The following CELSR1 variants were observed in gnomAD, a reference collection of about 807,000 sequenced individuals.
CELSR1 encodes the protein adhesion G protein-coupled receptor C1.
CELSR1 carries 110 observed loss-of-function variants against 249.1 expected under a neutral mutation model. The observed-to-expected ratio is 0.44, with a 90% confidence interval of 0.38 to 0.52. CELSR1 has a LOEUF of 0.52. CELSR1 is among the 20% of genes least tolerant of loss of function. CELSR1 has a pLI of 0.00. For missense variants in CELSR1, 4,109 were observed against 4,296.4 expected (o/e 0.96, Z 1.22); for synonymous variants, 2,113 against 1,900.0 (o/e 1.11, Z -2.92).
chr22:46,524,701 C>T (rs1336373108), intron 1 of CELSR1, among the ~76,000 whole-genome samples: 2 of 152,120 alleles, frequency 1.3e-5, no homozygotes, highest in African/African-American at 4.8e-5. Flanking sequence ...GGAATGTTCA[C>T]GCCCAAAAGG....
chr22:46,503,620 G>A (rs367889976), intron 1 of CELSR1, among the ~76,000 whole-genome samples: 1 of 152,232 alleles, frequency 6.6e-6, no homozygotes, highest in Non-Finnish European at 1.5e-5. Flanking sequence ...GCAACCCTAC[G>A]GGGTCAGTAT....
rs2147142498 is a variant in CELSR1, at chr22:46,361,818, A to T, written c.*1405T>A. On this transcript the variant is annotated 3_prime_UTR_variant, in exon 35 of 35. Transcript: ENST00000674500. ...TGCTGATCACTTATTTGGGCACCTG[A>T]TTTGAAGAACAAAGGAAACGCTAAA... is the stretch of plus-strand genomic sequence containing the variant. The T allele has an allele frequency of 6.6e-6, 1 of 152,360 alleles. No individual in the cohort carries two copies. The highest frequency in any genetic ancestry group is 2.1e-4 in the South Asian group (1 of 4,826). The allele number at this position is 152,360 out of a possible 1,614,324, so 9.4% of individuals were successfully genotyped here.
rs1294028151 is a variant in CELSR1, at chr22:46,456,661, T to TTAA, written c.4183+7045_4183+7046insTTA. Among the ~76,000 whole-genome samples the TTAA allele has an allele frequency of 1.0e-4, 6 of 60,270 alleles. 1 individual carries two copies. The highest frequency in any genetic ancestry group is 2.2e-4 in the Admixed American group (1 of 4,538). 39.5% of individuals were successfully genotyped at this position (60,270 alleles called of 152,430 possible). A position where few individuals can be genotyped will look rare whatever the true frequency, so the allele number is the denominator to read the frequency against. On this transcript the variant is annotated intron_variant, in intron 2 of 34. Coordinates refer to ENST00000674500, the MANE Select transcript of CELSR1 (RefSeq NM_001378328.1). ...CTGGGCGACAGAGCGAGACTCTGTC[T>TTAA]AAAAAAAAAAAAAAAAAAAAAAAAA...
Position 46,436,824 on chromosome 22 carries a change from G to A in CELSR1, c.4407-535C>T, listed in dbSNP as rs2079667755. On this transcript the variant is annotated intron_variant, in intron 3 of 34. Transcript: ENST00000674500. This position sits in a 1 kb window ranked among gnomAD's most constrained non-coding sequence, Gnocchi z 5.9. ...TTTGCACCAGCTGCCCCCTATGCCA[G>A]AAACAATCTTCCCAGGCTTTGCAGA... Among the ~76,000 whole-genome samples, 1 of 152,170 alleles carries A rather than the reference G, an allele frequency of 6.6e-6. No individual in the cohort carries two copies. The highest frequency in any genetic ancestry group is 2.4e-5 in the African/African-American group (1 of 41,440).
chr22:46,366,929 C>T lies in CELSR1; in HGVS notation c.8205+64G>A. The stretch of plus-strand genomic sequence containing the variant: ...CAGGACTGGGGCTGAGGCTCGATCA[C>T]CCTCCCCCGCCCCTCGAGATGCCGC... On this transcript the variant is annotated intron_variant, in intron 29 of 34. Coordinates refer to ENST00000674500, the MANE Select transcript of CELSR1 (RefSeq NM_001378328.1). The T allele has an allele frequency of 4.5e-6, 7 of 1,546,304 alleles. 1 individual carries two copies. In the South Asian group the frequency reaches 8.4e-5, roughly 19 times the overall value.
chr22:46,508,855 T>C (rs2080543362), intron 1 of CELSR1, among the ~76,000 whole-genome samples: 1 of 152,186 alleles, frequency 6.6e-6, no homozygotes, highest in South Asian at 2.1e-4. Flanking sequence ...CCTGGGAAAC[T>C]GGGCCCCGGG....
rs1231866924 is a variant in CELSR1, at chr22:46,406,686, C to G, written c.5226+2310G>C. On this transcript the variant is annotated intron_variant, in intron 9 of 34. Transcript: ENST00000674500. The surrounding 1 kb of genome is among the most constrained non-coding windows in gnomAD (Gnocchi z 5.4). Reference sequence around the variant, plus strand: ...TGTCCTTAGGAGTGACAGAGAAGGGCCTGTGGCTGTCCCAGGAACCTGGGC... The same window carrying G: ...TGTCCTTAGGAGTGACAGAGAAGGGGCTGTGGCTGTCCCAGGAACCTGGGC... Among the ~76,000 whole-genome samples the G allele has an allele frequency of 1.3e-5, 2 of 152,194 alleles. No homozygotes were observed. The highest frequency in any genetic ancestry group is 4.8e-5 in the African/African-American group (2 of 41,458).
In CELSR1 at chr22:46,437,292, A is replaced by G. The variant is rs2079673990; in HGVS notation, c.4407-1003T>C. On this transcript the variant is annotated intron_variant, in intron 3 of 34. Coordinates refer to ENST00000674500, the MANE Select transcript of CELSR1 (RefSeq NM_001378328.1). This position sits in a 1 kb window ranked among gnomAD's most constrained non-coding sequence, Gnocchi z 4.9. ...CTCCCTGGTTTCAGAGAACTTGGCA[A>G]CCTCCTGAGTGAGCTTGGGACTGGC... is the stretch of plus-strand genomic sequence containing the variant. Among the ~76,000 whole-genome samples, 1 of 151,990 alleles carries G rather than the reference A, an allele frequency of 6.6e-6. No homozygotes were observed. Among genetic ancestry groups the G allele is most frequent in the African/African-American group, 2.4e-5 (1 of 41,362 alleles).
chr22:46,427,676 T>C lies in CELSR1; in HGVS notation c.4611+5717A>G, dbSNP rs904277431. ...TTGACGTTCCGCTGTCGGAGGACCTTATATTCTATTAAATACCTTCCAAGT... is the reference window on the plus strand; with the variant it reads ...TTGACGTTCCGCTGTCGGAGGACCTCATATTCTATTAAATACCTTCCAAGT... On this transcript the variant is annotated intron_variant, in intron 5 of 34. Transcript: ENST00000674500. The surrounding 1 kb of genome is among the most constrained non-coding windows in gnomAD (Gnocchi z 4.2). Among the ~76,000 whole-genome samples, 6 of 152,220 alleles carry C rather than the reference T, an allele frequency of 3.9e-5. No individual in the cohort carries two copies. Among genetic ancestry groups the C allele is most frequent in the African/African-American group, 1.2e-4 (5 of 41,466 alleles).
At chr22:46,418,784 G>C (rs2147366301) in intron 5 of CELSR1, among the ~76,000 whole-genome samples, 1 of 152,352 alleles carries the variant, frequency 6.6e-6, no homozygotes, top group South Asian at 2.1e-4. Flanking sequence ...CGGTCACCTA[G>C]AGATTCTTAA....
chr22:46,535,046 G>C lies in CELSR1; in HGVS notation c.2125C>G (p.Leu709Val). 1.2e-6 allele frequency: 2 copies of C among 1,612,522 alleles called. No homozygotes were observed. The highest frequency in any genetic ancestry group is 1.7e-6 in the Non-Finnish European group (2 of 1,179,970). The change falls in exon 1 of 35, where the codon CTG becomes GTG. Residue 709 changes from leucine (L) to valine (V), a missense_variant. This residue lies in a region of CELSR1 where 886 missense variants were observed against 896.5 expected (regional missense o/e 0.99). Transcript: ENST00000674500. ...TTGGCGTCACGGTCGCGGGCCTGCA[G>C]GGTCAGCACGCTGCTCCCCACGGCC... ...DAAVGSSVLTLQARDRDANSV... is the reference protein window; with the variant it reads ...DAAVGSSVLTVQARDRDANSV...
chr22:46,455,633 TCA>T (rs2079939489), intron 2 of CELSR1, among the ~76,000 whole-genome samples: 1 of 152,138 alleles, frequency 6.6e-6, no homozygotes, highest in Admixed American at 6.5e-5. Context: ...CTTCAGCCAC[TCA>T]GTTTGTGCCG....
At chr22:46,485,723 G>A (rs1362812901) in intron 1 of CELSR1, among the ~76,000 whole-genome samples, 1 of 152,104 alleles carries the variant, frequency 6.6e-6, no homozygotes, top group African/African-American at 2.4e-5. Context: ...GACCGTTGAC[G>A]CTCAGGTTCT....
rs912175402 is a variant in CELSR1, at chr22:46,418,149, C to A, written c.4612-6390G>T. Among the ~76,000 whole-genome samples, 5 of 152,218 alleles carry A rather than the reference C, an allele frequency of 3.3e-5. No homozygotes were observed. The East Asian group carries it at 7.7e-4, about 23-fold the overall frequency. On this transcript the variant is annotated intron_variant, in intron 5 of 34. Coordinates refer to ENST00000674500, the MANE Select transcript of CELSR1 (RefSeq NM_001378328.1). ...CAAAATAACATGCAAGTGGTTTTCT[C>A]AAGTTTTGCTGTTTTAATACTTCCC...
chr22:46,424,620 C>G (rs772403100), intron 5 of CELSR1, among the ~76,000 whole-genome samples: 1 of 152,152 alleles, frequency 6.6e-6, no homozygotes, highest in Non-Finnish European at 1.5e-5. Context: ...TCCCTCCTGT[C>G]CCCAGCCCAA....
At position 46,454,237 on chromosome 22, in the gene CELSR1, C is replaced by CT. The variant is rs1200410471; in HGVS notation, c.4183+9469_4183+9470insA. On this transcript the variant is annotated intron_variant, in intron 2 of 34. Transcript: ENST00000674500. The surrounding 1 kb of genome is among the most constrained non-coding windows in gnomAD (Gnocchi z 5.1). ...CCCTCCCCAGGGCCTCCCGGAGCAG[C>CT]CCCGCCCACGCCCCTGAATGCAGGG... is the stretch of plus-strand genomic sequence containing the variant. Among the ~76,000 whole-genome samples, 75 of 152,330 alleles carry CT rather than the reference C, an allele frequency of 4.9e-4. No individual in the cohort carries two copies. Among genetic ancestry groups the CT allele is most frequent in the African/African-American group, 1.7e-3 (71 of 41,580 alleles).
At chr22:46,405,296 T>A (rs1267493472) in intron 9 of CELSR1, among the ~76,000 whole-genome samples, 2 of 150,748 alleles carry the variant, frequency 1.3e-5, no homozygotes, top group Non-Finnish European at 1.5e-5. Flanking sequence ...CTGTCTCTAC[T>A]AAAAATACAA....
chr22:46,367,246 C>T (rs2078796130), intron 28 of CELSR1, 128 bp from the exon 29 acceptor site: 17 of 1,266,402 alleles, frequency 1.3e-5, no homozygotes, highest in Non-Finnish European at 1.6e-5. Context: ...GCCCAGGACA[C>T]GGCCAGGCCT....
chr22:46,456,732 T>G (rs1281536463), intron 2 of CELSR1, among the ~76,000 whole-genome samples: 2 of 150,624 alleles, frequency 1.3e-5, no homozygotes, highest in African/African-American at 4.9e-5. Context: ...GTACACATTT[T>G]ACAACAGAAT....
Sources: allele counts gnomAD v4.1 joint callset (sites outside exome capture counted in the v4.1 genomes callset), GRCh38; gene constraint gnomAD v4.1.1; regional missense constraint gnomAD v4.1.1; non-coding constraint Gnocchi (gnomAD v3.1); transcripts MANE v1.5; gene names NCBI Gene and HGNC (gene_info 2026-07-23, HGNC 2026-07-21).